The following EFHD2 variants were observed in gnomAD, a reference collection of about 807,000 sequenced individuals.
EFHD2 encodes the protein EF-hand domain family member D2.
A neutral mutation model predicts 20.3 loss-of-function variants in EFHD2; 12 were observed. The ratio of observed to expected loss-of-function variants is 0.59; its 90% CI spans 0.38 to 0.96. EFHD2 has a LOEUF of 0.96. Among genes scored for constraint, EFHD2 ranks in the 40% least tolerant of loss-of-function variants. The pLI, the probability that EFHD2 is intolerant of heterozygous loss-of-function variation, is 0.00. For missense variants in EFHD2, 250 were observed against 334.3 expected (o/e 0.75, Z 1.97); for synonymous variants, 131 against 143.9 (o/e 0.91, Z 0.64).
intron 1 of EFHD2, among the ~76,000 whole-genome samples, chr1:15,417,003 G>T (rs1707682245): frequency 6.6e-6 from 1 of 151,950 alleles, no homozygotes; most frequent in African/African-American, 2.4e-5. Flanking sequence ...TAGAGATGGG[G>T]TCTCATTATG....
chr1:15,412,107 G>A (rs1707539370), intron 1 of EFHD2, among the ~76,000 whole-genome samples: 3 of 151,974 alleles, frequency 2.0e-5, no homozygotes, highest in African/African-American at 4.8e-5. Flanking sequence ...GGGCGCCCAC[G>A]TCCTTGGCTC....
At chr1:15,418,458 A>C (rs1191675318) in intron 1 of EFHD2, among the ~76,000 whole-genome samples, 17 of 150,322 alleles carry the variant, frequency 1.1e-4, no homozygotes, top group Non-Finnish European at 2.2e-4. Context: ...GGCGCCCACC[A>C]TCACGCCCGG....
intron 1 of EFHD2, among the ~76,000 whole-genome samples, chr1:15,421,629 G>A (rs140128373): frequency 2.6e-5 from 4 of 152,302 alleles, no homozygotes; most frequent in Middle Eastern, 6.8e-3. Context: ...CACAGCCCAC[G>A]TTTCCATCCA....
chr1:15,425,889 CG>C lies in EFHD2; in HGVS notation c.329del (p.Gly110AlafsTer5). 9.3e-6 allele frequency: 15 copies of C among 1,606,766 alleles called. No individual in the cohort carries two copies. The highest frequency in any genetic ancestry group is 1.3e-5 in the Non-Finnish European group (15 of 1,176,978). On this transcript the variant is annotated frameshift_variant, in exon 2 of 4. Transcript: ENST00000375980. LOFTEE classifies it high-confidence loss of function. ...MFKQYDAGRD[G>X]FIDLMELKLM... ...TCTGCAGGTATGATGCCGGGCGGGA[CG>C]GCTTCATCGACCTGATGGAGCTAAA...
intron 1 of EFHD2, among the ~76,000 whole-genome samples, chr1:15,420,445 G>T (rs1387776048): frequency 1.3e-5 from 2 of 152,138 alleles, no homozygotes; most frequent in Admixed American, 6.5e-5. Flanking sequence ...GGGCTAAAGT[G>T]ATCCTCCCAC....
At chr1:15,421,249 G>A (rs1707785373) in intron 1 of EFHD2, among the ~76,000 whole-genome samples, 1 of 152,124 alleles carries the variant, frequency 6.6e-6, no homozygotes, top group Non-Finnish European at 1.5e-5. Flanking sequence ...AACCCTCAAG[G>A]CCATCTTCAA....
intron 1 of EFHD2, among the ~76,000 whole-genome samples, chr1:15,424,294 G>A (rs2103278697): frequency 6.6e-6 from 1 of 152,260 alleles, no homozygotes; most frequent in African/African-American, 2.4e-5. Flanking sequence ...CAGGTGTTTG[G>A]TTGATAAGAG....
rs553314052 is a variant in EFHD2 at position 15,426,745 on chromosome 1, C to T, written c.457-405C>T. 3.3e-5 allele frequency among the ~76,000 whole-genome samples: 5 copies of T among 152,220 alleles called. No homozygotes were observed. The highest frequency in any genetic ancestry group is 5.9e-5 in the Non-Finnish European group (4 of 68,002). ...GTTCCATCCCTCTGACACGTTCAGG[C>T]GCTGAGACTTGGGGTGTCTTTTACT... On this transcript the variant is annotated intron_variant, in intron 2 of 3. Coordinates refer to ENST00000375980, the MANE Select transcript of EFHD2 (RefSeq NM_024329.6). The surrounding 1 kb of genome is among the most constrained non-coding windows in gnomAD (Gnocchi z 4.6).
chr1:15,425,911 C>G lies in EFHD2; in HGVS notation c.349C>G (p.Leu117Val). 1 of 1,606,408 alleles carries G rather than the reference C, an allele frequency of 6.2e-7. No homozygotes were observed. Among genetic ancestry groups the G allele is most frequent in the Non-Finnish European group, 8.5e-7 (1 of 1,176,968 alleles). ...GRDGFIDLME[L>V]KLMMEKLGAP... ...GGACGGCTTCATCGACCTGATGGAGCTAAAACTCATGATGGAGAAACTTGG... is the reference window on the plus strand; with the variant it reads ...GGACGGCTTCATCGACCTGATGGAGGTAAAACTCATGATGGAGAAACTTGG... The change falls in exon 2 of 4, where the codon CTA becomes GTA. Residue 117 changes from leucine to valine, a missense_variant. Leu to Val is a conservative substitution (Grantham distance 32, BLOSUM62 1). Around this residue, in one of 3 missense-constraint regions of EFHD2, gnomAD observed 143 missense variants for 190.6 expected, o/e 0.75. Transcript: ENST00000375980.
rs1243378551 is a variant in EFHD2, at chr1:15,409,916, G to C, written c.-56G>C. On this transcript the variant is annotated 5_prime_UTR_variant, in exon 1 of 4. Transcript: ENST00000375980. Reference sequence around the variant, plus strand: ...TGTCAGGAAGAGGAAGAGCGCGGCCGGCGGCGCTGCGCTGAGAGCAGGGGC... The same window carrying C: ...TGTCAGGAAGAGGAAGAGCGCGGCCCGCGGCGCTGCGCTGAGAGCAGGGGC... The C allele has an allele frequency of 1.9e-5, 23 of 1,197,478 alleles. No homozygotes were observed. The African/African-American group carries it at 2.2e-4, about 12-fold the overall frequency. The allele number at this position is 1,197,478 out of a possible 1,614,324, so 74.2% of individuals were successfully genotyped here.
At position 15,409,897 on chromosome 1, in the gene EFHD2, G is replaced by A; in HGVS notation, c.-75G>A. 1 of 1,189,346 alleles carries A rather than the reference G, an allele frequency of 8.4e-7. No homozygotes were observed. The highest frequency in any genetic ancestry group is 1.0e-6 in the Non-Finnish European group (1 of 961,780). The allele number at this position is 1,189,346 out of a possible 1,614,324, so 73.7% of individuals were successfully genotyped here. A position where few individuals can be genotyped will look rare whatever the true frequency, so the allele number is the denominator to read the frequency against. On this transcript the variant is annotated 5_prime_UTR_variant, in exon 1 of 4. Transcript: ENST00000375980. ...CGGTGCCTGGCCCGGGGAGTGTCAG[G>A]AAGAGGAAGAGCGCGGCCGGCGGCG...
chr1:15,424,388 CA>C (rs1707839450), intron 1 of EFHD2, among the ~76,000 whole-genome samples: 2 of 152,164 alleles, frequency 1.3e-5, no homozygotes, highest in South Asian at 4.1e-4. Flanking sequence ...AGCCAGGCAA[CA>C]GGCAGAAAGG....
chr1:15,411,059 T>G (rs960408977), intron 1 of EFHD2, among the ~76,000 whole-genome samples: 3 of 151,760 alleles, frequency 2.0e-5, no homozygotes, highest in Admixed American at 1.3e-4. Flanking sequence ...ACTCCAGTCG[T>G]CCCTGTGGGC....
At chr1:15,415,342 T>G (rs901940248) in intron 1 of EFHD2, among the ~76,000 whole-genome samples, 3 of 152,140 alleles carry the variant, frequency 2.0e-5, no homozygotes, top group Non-Finnish European at 2.9e-5. Context: ...GATGTTCTCT[T>G]TGTAGCCAGC....
chr1:15,421,221 G>A (rs968665609), intron 1 of EFHD2, among the ~76,000 whole-genome samples: 14 of 152,140 alleles, frequency 9.2e-5, no homozygotes, highest in African/African-American at 2.7e-4. Flanking sequence ...CAGTCTCAGC[G>A]GAGTTGATGT....
intron 1 of EFHD2, among the ~76,000 whole-genome samples, chr1:15,424,701 A>G (rs72881571): frequency 0.031 from 4,717 of 152,314 alleles, 240 homozygotes; most frequent in African/African-American, 0.11. Flanking sequence ...GCCCTGCCTT[A>G]GATACCCCTT....
At position 15,410,184 on chromosome 1, in the gene EFHD2, G is replaced by A. The variant is rs1329827595; in HGVS notation, c.213G>A (p.Glu71=). 1 of 1,605,388 alleles carries A rather than the reference G, an allele frequency of 6.2e-7. No individual in the cohort carries two copies. Among genetic ancestry groups the A allele is most frequent in the Admixed American group, 1.7e-5 (1 of 59,506 alleles). Residue 71 remains glutamate, a synonymous_variant, in exon 1 of 4, where the codon GAG becomes GAA. Coordinates refer to ENST00000375980, the MANE Select transcript of EFHD2 (RefSeq NM_024329.6). ...RRADLNQGIG[E]PQSPSRRVFN... is the part of the protein sequence containing the mutation. The stretch of plus-strand genomic sequence containing the variant: ...CAGACCTCAACCAGGGCATCGGCGA[G>A]CCCCAGTCGCCCAGCCGCCGCGTCT...
In EFHD2 at chr1:15,410,263, GAGA is replaced by G; in HGVS notation, c.296_298del (p.Lys99del). 1 of 1,599,836 alleles carries G rather than the reference GAGA, an allele frequency of 6.3e-7. No homozygotes were observed. The highest frequency in any genetic ancestry group is 8.5e-7 in the Non-Finnish European group (1 of 1,174,382). ...CTCCAGGAAGCAGATCAAGGACATG[GAGA>G]AGATGTTCAAGCAGTAAGTGCCCGC... On this transcript the variant is annotated inframe_deletion, in exon 1 of 4. Transcript: ENST00000375980.
chr1:15,422,489 G>A (rs1004208537), intron 1 of EFHD2, among the ~76,000 whole-genome samples: 18 of 150,694 alleles, frequency 1.2e-4, no homozygotes, highest in Admixed American at 6.6e-4. Flanking sequence ...CACCTCCGCC[G>A]CCCCAGGTAT....
Sources: gnomAD v4.1 joint callset for allele counts (sites outside exome capture counted in the v4.1 genomes callset) on GRCh38, gnomAD v4.1.1 for gene constraint, gnomAD v4.1.1 regional missense constraint, Gnocchi (gnomAD v3.1) non-coding constraint, MANE v1.5 for transcripts, NCBI Gene and HGNC (gene_info 2026-07-23, HGNC 2026-07-21) for gene names.